Variants in RANBP2 observed in about 807,000 individuals in gnomAD.
RANBP2 encodes the protein E3 SUMO-protein ligase RanBP2.
Under a neutral mutation model 303.6 loss-of-function variants are expected in RANBP2, and 57 were observed. That is an observed-to-expected ratio of 0.19 (90% confidence interval 0.15 to 0.23). The LOEUF is 0.23. Ranked by LOEUF, RANBP2 falls within the 10% of genes least tolerant of loss-of-function variation. The probability of loss-of-function intolerance (pLI) is 1.00; values close to 1 mark genes in which losing one functional copy is unlikely to be tolerated. For missense variants in RANBP2, 3,138 were observed against 3,780.8 expected (o/e 0.83, Z 4.46); for synonymous variants, 1,167 against 1,301.5 (o/e 0.90, Z 2.23).
the RANBP2 span, among the ~76,000 whole-genome samples, chr2:109,329,825 G>A: frequency 2.6e-5 from 4 of 152,196 alleles, no homozygotes; most frequent in African/African-American, 9.7e-5. Context: ...GCTTCAGCCA[G>A]TTTTGTAAGG....
chr2:109,411,101 A>G, the RANBP2 span, among the ~76,000 whole-genome samples: 1 of 152,222 alleles, frequency 6.6e-6, no homozygotes, highest in Non-Finnish European at 1.5e-5. Context: ...GTCCAGGGCC[A>G]AGCACCATGG....
At chr2:108,848,544 C>T in the RANBP2 span, among the ~76,000 whole-genome samples, 1 of 152,102 alleles carries the variant, frequency 6.6e-6, no homozygotes, top group Non-Finnish European at 1.5e-5. Flanking sequence ...TTCTTCCTGC[C>T]TATGAAGACG....
chr2:108,839,604 C>T, the RANBP2 span, among the ~76,000 whole-genome samples: 6 of 151,902 alleles, frequency 3.9e-5, no homozygotes, highest in African/African-American at 1.5e-4. Context: ...TCTTGTTTAC[C>T]TTTTTGGCTG....
chr2:109,329,210 T>G, the RANBP2 span, among the ~76,000 whole-genome samples: 1 of 152,192 alleles, frequency 6.6e-6, no homozygotes, highest in Non-Finnish European at 1.5e-5. Flanking sequence ...TCTCCTGGTT[T>G]TCCCAATTAC....
At chr2:108,794,982 CCTTA>C in the RANBP2 span, among the ~76,000 whole-genome samples, 7 of 151,914 alleles carry the variant, frequency 4.6e-5, no homozygotes, top group African/African-American at 1.5e-4. Context: ...TCCATCCCAT[CCTTA>C]CTTAAGTAAT....
chr2:108,741,950 A>C (rs1404540033), intron 7 of RANBP2, among the ~76,000 whole-genome samples: 2 of 151,604 alleles, frequency 1.3e-5, no homozygotes, highest in Non-Finnish European at 2.9e-5. Context: ...TTGGGGAGGG[A>C]AAAAAAGGAT....
the RANBP2 span, among the ~76,000 whole-genome samples, chr2:109,428,604 C>T: frequency 6.6e-6 from 1 of 152,212 alleles, no homozygotes; most frequent in African/African-American, 2.4e-5. Context: ...TCAAGAGGCG[C>T]TTTTTCTCAT....
chr2:108,765,000 A>T lies in RANBP2; in HGVS notation c.4461A>T (p.Ala1487=). The T allele has an allele frequency of 6.2e-7, 1 of 1,611,290 alleles. No homozygotes were observed. Among genetic ancestry groups the T allele is most frequent in the South Asian group, 1.1e-5 (1 of 90,372 alleles). The change falls in exon 20 of 29, where the codon GCA becomes GCT. Residue 1487 remains alanine, a synonymous_variant. Transcript: ENST00000283195. ...AGGAAGGACAGTGGGATTGCAGTGCATGTTTGGTACAAAATGAGGGGAGCT... is the reference window on the plus strand; with the variant it reads ...AGGAAGGACAGTGGGATTGCAGTGCTTGTTTGGTACAAAATGAGGGGAGCT... The part of the protein sequence containing the change: ...STKEGQWDCS[A]CLVQNEGSST...
At chr2:109,557,855 T>C in the RANBP2 span, among the ~76,000 whole-genome samples, 4 of 151,554 alleles carry the variant, frequency 2.6e-5, no homozygotes, top group Non-Finnish European at 5.9e-5. Context: ...AATTTTCTTT[T>C]TTTTTTTTTT....
At chr2:108,729,685 G>A (rs1695011906) in intron 2 of RANBP2, among the ~76,000 whole-genome samples, 1 of 151,562 alleles carries the variant, frequency 6.6e-6, no homozygotes, top group Non-Finnish European at 1.5e-5. Context: ...GACTTGGAGT[G>A]GATTAAAGCA....
the RANBP2 span, among the ~76,000 whole-genome samples, chr2:109,167,007 T>C: frequency 2.0e-5 from 3 of 152,308 alleles, no homozygotes; most frequent in South Asian, 4.1e-4. Flanking sequence ...GCTTGAGCAA[T>C]GCTAAAAGAA....
chr2:109,304,066 A>G, the RANBP2 span, among the ~76,000 whole-genome samples: 1 of 150,830 alleles, frequency 6.6e-6, no homozygotes, highest in East Asian at 1.9e-4. Flanking sequence ...GCGCCATTGC[A>G]CTCCAGCCTG....
At chr2:109,267,554 A>G in the RANBP2 span, among the ~76,000 whole-genome samples, 1 of 152,132 alleles carries the variant, frequency 6.6e-6, no homozygotes, top group Non-Finnish European at 1.5e-5. Context: ...AACAGAGCCT[A>G]TCAAGTTTGC....
chr2:109,574,652 A>G, the RANBP2 span: 3 of 1,607,944 alleles, frequency 1.9e-6, no homozygotes, highest in East Asian at 2.2e-5. Flanking sequence ...GAAATGAAGT[A>G]GAGACACACA....
At chr2:109,371,705 A>T in the RANBP2 span, 8 of 1,605,244 alleles carry the variant, frequency 5.0e-6, no homozygotes, top group Non-Finnish European at 6.8e-6. Flanking sequence ...GCCCTCCCAC[A>T]CTTGGCTCCT....
At chr2:108,998,178 C>A in the RANBP2 span, among the ~76,000 whole-genome samples, 1 of 152,154 alleles carries the variant, frequency 6.6e-6, no homozygotes, top group Non-Finnish European at 1.5e-5. Context: ...GCTCCTGGAG[C>A]TTTTTAATGC....
At chr2:109,051,563 T>A in the RANBP2 span, among the ~76,000 whole-genome samples, 1 of 152,146 alleles carries the variant, frequency 6.6e-6, no homozygotes, top group Non-Finnish European at 1.5e-5. Flanking sequence ...ATAGTTGGCA[T>A]AAGTGAGCCT....
chr2:109,388,103 T>C, the RANBP2 span, among the ~76,000 whole-genome samples: 1 of 152,102 alleles, frequency 6.6e-6, no homozygotes, highest in Non-Finnish European at 1.5e-5. Context: ...GCACACACAT[T>C]CACCATCCTA....
chr2:108,912,688 G>A, the RANBP2 span: 39 of 1,594,602 alleles, frequency 2.4e-5, no homozygotes, highest in African/African-American at 2.7e-5. Flanking sequence ...CTTTGTGGGC[G>A]TGCTGGAAGG....
Sources: gnomAD v4.1 joint callset for allele counts (sites outside exome capture counted in the v4.1 genomes callset) on GRCh38, gnomAD v4.1.1 for gene constraint, MANE v1.5 for transcripts, NCBI Gene and HGNC (gene_info 2026-07-23, HGNC 2026-07-21) for gene names.